The following NEDD4 variants were observed in gnomAD, a reference collection of about 807,000 sequenced individuals.
The protein encoded by NEDD4 is NEDD4 E3 ubiquitin protein ligase.
NEDD4 carries 99 observed loss-of-function variants against 144.9 expected under a neutral mutation model. The ratio of observed to expected loss-of-function variants is 0.68; its 90% CI spans 0.58 to 0.81. NEDD4 has a LOEUF of 0.81. Ranked by LOEUF, NEDD4 falls within the 30% of genes least tolerant of loss-of-function variation. NEDD4 has a pLI of 0.00. For synonymous variants in NEDD4, 318 were observed against 350.6 expected (o/e 0.91, Z 1.04); for missense variants, 985 against 1,065.9 (o/e 0.92, Z 1.06).
At chr15:55,841,549 G>A (rs1440501124) in intron 19 of NEDD4, among the ~76,000 whole-genome samples, 5 of 152,160 alleles carry the variant, frequency 3.3e-5, no homozygotes, top group South Asian at 2.1e-4. Context: ...GTGAATGTAT[G>A]TAATGACTCT....
At chr15:55,927,100 G>A (rs72734314) in intron 4 of NEDD4, among the ~76,000 whole-genome samples, 24,086 of 123,306 alleles carry the variant, frequency 0.2, 2,394 homozygotes, top group East Asian at 0.36. Context: ...AAAAAAAAAA[G>A]AAAGAAAGAA....
chr15:55,966,057 A>C (rs1420465756), intron 2 of NEDD4, among the ~76,000 whole-genome samples: 1 of 152,190 alleles, frequency 6.6e-6, no homozygotes, highest in Non-Finnish European at 1.5e-5. Context: ...AGACCAATTC[A>C]TAGTATCAGG....
intron 5 of NEDD4, chr15:55,915,956 G>A: frequency 6.2e-7 from 1 of 1,613,838 alleles, no homozygotes; most frequent in Non-Finnish European, 8.5e-7. Context: ...AAGTTTGATA[G>A]GATCCTTTGC....
chr15:55,835,459 A>G (rs1360630410), intron 24 of NEDD4, among the ~76,000 whole-genome samples: 5 of 120,422 alleles, frequency 4.2e-5, no homozygotes, highest in Non-Finnish European at 6.5e-5. Flanking sequence ...TAAACTGTCC[A>G]TTTATAAACC....
At chr15:55,931,124 C>T (rs1487192392) in intron 4 of NEDD4, among the ~76,000 whole-genome samples, 2 of 152,070 alleles carry the variant, frequency 1.3e-5, no homozygotes, top group Non-Finnish European at 2.9e-5. Flanking sequence ...AACAGGAATA[C>T]AAAATACAAT....
intron 1 of NEDD4, among the ~76,000 whole-genome samples, chr15:55,974,205 CAAGATTG>C (rs1481434904): frequency 6.6e-6 from 1 of 152,046 alleles, no homozygotes; most frequent in African/African-American, 2.4e-5. Flanking sequence ...TACAACCTTC[CAAGATTG>C]AACCATGAAG....
intron 15 of NEDD4, 79 bp from the exon 16 acceptor site, chr15:55,848,654 G>T: frequency 7.4e-7 from 1 of 1,354,070 alleles, no homozygotes; most frequent in East Asian, 2.3e-5. Context: ...TGGTTGTATG[G>T]TTAATTTAAC....
At chr15:55,961,339 A>T (rs1566970043) in intron 2 of NEDD4, among the ~76,000 whole-genome samples, 1 of 152,226 alleles carries the variant, frequency 6.6e-6, no homozygotes, top group Non-Finnish European at 1.5e-5. Flanking sequence ...AAAAGTAGAA[A>T]AAAAAATACA....
At position 55,844,646 on chromosome 15, in the gene NEDD4, C is replaced by T. The variant is rs183271744; in HGVS notation, c.1608+2323G>A. 2.8e-4 allele frequency among the ~76,000 whole-genome samples: 42 copies of T among 152,162 alleles called. No homozygotes were observed. The East Asian group carries it at 6.6e-3, about 24-fold the overall frequency. ...AAAATAGGGATAATAATAATGATAG[C>T]TACCCACATGGAGTTGTTTCAACTC... is the stretch of plus-strand genomic sequence containing the variant. On this transcript the variant is annotated intron_variant, in intron 18 of 28. Coordinates refer to ENST00000435532, the MANE Select transcript of NEDD4 (RefSeq NM_006154.4).
intron 8 of NEDD4, among the ~76,000 whole-genome samples, chr15:55,863,844 T>C (rs1481107991): frequency 3.3e-5 from 5 of 152,214 alleles, no homozygotes; most frequent in Non-Finnish European, 7.3e-5. Context: ...AGGTCAAATA[T>C]ACAAAGGGGC....
In NEDD4 at chr15:55,847,017, C is replaced by T. The variant is rs764203196; in HGVS notation, c.1560G>A (p.Arg520=). The change falls in exon 18 of 29, where the codon AGG becomes AGA. Residue 520 remains arginine (R), a synonymous_variant. Coordinates refer to ENST00000435532, the MANE Select transcript of NEDD4 (RefSeq NM_006154.4). ...AITGPAVPYS[R]DYKRKYEFFR... ...AGAACTCATACTTTCTTTTGTAATC[C>T]CTGGAGTAGGGCACTGCCTTTAGTT... is the stretch of plus-strand genomic sequence containing the variant. 1 of 1,609,050 alleles carries T rather than the reference C, an allele frequency of 6.2e-7. No individual in the cohort carries two copies.
At chr15:55,908,437 T>C (rs2036168951) in intron 5 of NEDD4, among the ~76,000 whole-genome samples, 1 of 152,204 alleles carries the variant, frequency 6.6e-6, no homozygotes, top group African/African-American at 2.4e-5. Context: ...GAATTACTCG[T>C]GATAATGGCC....
intron 6 of NEDD4, 54 bp from the exon 7 acceptor site, chr15:55,872,530 C>A: frequency 1.3e-6 from 1 of 791,230 alleles, no homozygotes; most frequent in Non-Finnish European, 1.9e-6. Flanking sequence ...AAAGCATGTA[C>A]TTTTCAAGAA....
intron 5 of NEDD4, among the ~76,000 whole-genome samples, chr15:55,891,751 A>G (rs1243550075): frequency 1.3e-5 from 2 of 152,226 alleles, no homozygotes; most frequent in Non-Finnish European, 2.9e-5. Context: ...TAGAACATAA[A>G]AAGAAAATCC....
intron 4 of NEDD4, among the ~76,000 whole-genome samples, chr15:55,943,111 TG>T (rs2037038447): frequency 6.6e-6 from 1 of 152,242 alleles, no homozygotes; most frequent in South Asian, 2.1e-4. Flanking sequence ...GTTCAAGAAG[TG>T]GCCTGGCTGC....
intron 4 of NEDD4, among the ~76,000 whole-genome samples, chr15:55,937,924 A>T (rs2036923821): frequency 6.6e-6 from 1 of 152,238 alleles, no homozygotes; most frequent in Admixed American, 6.5e-5. Flanking sequence ...TCACAAAGCT[A>T]CAGTAATTAA....
intron 17 of NEDD4, 76 bp downstream of exon 17, chr15:55,848,296 A>G: frequency 7.2e-7 from 1 of 1,384,630 alleles, no homozygotes; most frequent in Admixed American, 1.7e-5. Context: ...CTGTAGGGTT[A>G]TGCCCGTGAC....
At position 55,981,360 on chromosome 15, in the gene NEDD4, C is replaced by T. The variant is rs895134948; in HGVS notation, c.45+12151G>A. Among the ~76,000 whole-genome samples the T allele has an allele frequency of 5.8e-5, 8 of 138,334 alleles. No homozygotes were observed. The South Asian group carries it at 9.7e-4, about 17-fold the overall frequency. The allele number at this position is 138,334 out of a possible 152,430, so 90.8% of individuals were successfully genotyped here. On this transcript the variant is annotated intron_variant, in intron 1 of 28. Transcript: ENST00000435532. Reference sequence around the variant, plus strand: ...GATTACAGGTGTGAGCCACCACGCCCGGCCTCCTTTTTTTTTCTTTTGAGC... The same window carrying T: ...GATTACAGGTGTGAGCCACCACGCCTGGCCTCCTTTTTTTTTCTTTTGAGC...
At chr15:55,914,450 A>G (rs551017527) in intron 5 of NEDD4, among the ~76,000 whole-genome samples, 3 of 152,000 alleles carry the variant, frequency 2.0e-5, no homozygotes, top group Admixed American at 6.5e-5. Flanking sequence ...GATTCATAAG[A>G]GTTAAATTAC....
Sources: gnomAD v4.1 joint callset for allele counts (sites outside exome capture counted in the v4.1 genomes callset) on GRCh38, gnomAD v4.1.1 for gene constraint, MANE v1.5 for transcripts, NCBI Gene and HGNC (gene_info 2026-07-23, HGNC 2026-07-21) for gene names.